Variants in PTGR3 observed in about 807,000 individuals in gnomAD.
The protein encoded by PTGR3 is zinc binding alcohol dehydrogenase domain containing 2.
At chr18:75,204,481 C>G in the PTGR3 span, among the ~76,000 whole-genome samples, 2 of 152,202 alleles carry the variant, frequency 1.3e-5, no homozygotes, top group Non-Finnish European at 2.9e-5. Flanking sequence ...AAAAACCACA[C>G]CAAACATCGT....
the PTGR3 span, chr18:75,200,075 G>T: frequency 6.6e-6 from 1 of 152,198 alleles, no homozygotes; most frequent in Non-Finnish European, 1.5e-5. Context: ...CTTTAATTGC[G>T]TCCATATTTA....
chr18:75,208,548 C>T, the PTGR3 span: 1 of 990,004 alleles, frequency 1.0e-6, no homozygotes, highest in East Asian at 6.2e-5. Flanking sequence ...GGTTTTATTT[C>T]GGGAGCGGGA....
chr18:75,207,184 C>T, the PTGR3 span, among the ~76,000 whole-genome samples: 2 of 152,228 alleles, frequency 1.3e-5, no homozygotes, highest in African/African-American at 2.4e-5. Flanking sequence ...AGTTCTCTAA[C>T]GCCTCACCTT....
At chr18:75,201,076 G>C in the PTGR3 span, 1 of 219,722 alleles carries the variant, frequency 4.6e-6, no homozygotes, top group African/African-American at 2.3e-5. Context: ...TTTAAAATCT[G>C]ATCAAGCTGA....
the PTGR3 span, chr18:75,195,579 T>C: frequency 1.3e-5 from 2 of 152,142 alleles, no homozygotes; most frequent in East Asian, 3.9e-4. Flanking sequence ...ATAAAATGGG[T>C]AGAACTAGAT....
At chr18:75,201,318 T>C in the PTGR3 span, 2 of 1,064,994 alleles carry the variant, frequency 1.9e-6, no homozygotes, top group African/African-American at 1.6e-5. Flanking sequence ...TTAAGAAATA[T>C]TATATCCATT....
the PTGR3 span, chr18:75,197,601 CACCA>C: frequency 6.6e-6 from 1 of 152,168 alleles, no homozygotes; most frequent in Non-Finnish European, 1.5e-5. Flanking sequence ...AAAGTGACCA[CACCA>C]ACCGTTTTGA....
chr18:75,201,312 G>T, the PTGR3 span: 2 of 1,029,468 alleles, frequency 1.9e-6, no homozygotes, highest in Non-Finnish European at 2.8e-6. Flanking sequence ...TTTGTTTTAA[G>T]AAATATTATA....
chr18:75,198,156 C>A, the PTGR3 span: 1 of 152,138 alleles, frequency 6.6e-6, no homozygotes, highest in African/African-American at 2.4e-5. Context: ...CAAATAAAAG[C>A]CAGAAACAGG....
At chr18:75,201,653 G>A in the PTGR3 span, 42 of 1,614,170 alleles carry the variant, frequency 2.6e-5, no homozygotes, top group Middle Eastern at 3.3e-4. Flanking sequence ...AGCCCTGTAC[G>A]CTGGCAGATT....
At chr18:75,201,713 A>G in the PTGR3 span, 2 of 1,614,236 alleles carry the variant, frequency 1.2e-6, no homozygotes, top group Non-Finnish European at 1.7e-6. Context: ...GCGAAAGGCC[A>G]GTAGGAGTTT....
At chr18:75,205,152 G>A in the PTGR3 span, 1 of 985,476 alleles carries the variant, frequency 1.0e-6, no homozygotes, top group Non-Finnish European at 1.2e-6. Flanking sequence ...CCCGCGGCTG[G>A]TGAGGACCCT....
chr18:75,202,419 T>C, the PTGR3 span: 2 of 1,391,576 alleles, frequency 1.4e-6, no homozygotes, highest in Admixed American at 2.2e-5. Flanking sequence ...GAAATTCCTC[T>C]AGTTCTGGCG....
the PTGR3 span, chr18:75,208,751 T>G: frequency 8.7e-7 from 1 of 1,143,640 alleles, no homozygotes; most frequent in Non-Finnish European, 1.1e-6. Flanking sequence ...CGCGCCGGAG[T>G]GTGGGCACGC....
the PTGR3 span, chr18:75,208,275 T>A: frequency 1.0e-6 from 1 of 955,070 alleles, no homozygotes; most frequent in Non-Finnish European, 1.2e-6. Flanking sequence ...ACAGTCACAC[T>A]GCACTGACAG....
chr18:75,202,126 G>A, the PTGR3 span: 34 of 1,614,000 alleles, frequency 2.1e-5, no homozygotes, highest in Non-Finnish European at 2.9e-5. Flanking sequence ...GAGGGCACTG[G>A]AGTTGCAATG....
the PTGR3 span, chr18:75,201,755 G>A: frequency 6.2e-7 from 1 of 1,614,212 alleles, no homozygotes; most frequent in Non-Finnish European, 8.5e-7. Flanking sequence ...TTACTATCAA[G>A]CGCCCTTTCG....
chr18:75,206,567 T>C, the PTGR3 span, among the ~76,000 whole-genome samples: 3 of 152,210 alleles, frequency 2.0e-5, no homozygotes, highest in Non-Finnish European at 4.4e-5. Flanking sequence ...TCACATCCAC[T>C]GACACTGTTT....
the PTGR3 span, chr18:75,201,756 C>G: frequency 6.2e-7 from 1 of 1,614,186 alleles, no homozygotes; most frequent in African/African-American, 1.3e-5. Flanking sequence ...TACTATCAAG[C>G]GCCCTTTCGT....
Sources: allele counts gnomAD v4.1 joint callset (sites outside exome capture counted in the v4.1 genomes callset), GRCh38; gene constraint gnomAD v4.1.1; transcripts MANE v1.5; gene names NCBI Gene and HGNC (gene_info 2026-07-23, HGNC 2026-07-21).